Variants in PELO observed in about 807,000 individuals in gnomAD.
The protein encoded by PELO is protein pelota homolog.
PELO carries 19 observed loss-of-function variants against 25.9 expected under a neutral mutation model. That is an observed-to-expected ratio of 0.73 (90% CI 0.51 to 1.08). PELO has a LOEUF of 1.08. Among genes scored for constraint, PELO ranks in the 50% least tolerant of loss-of-function variants. The pLI is 0.00. For missense variants in PELO, 498 were observed against 491.4 expected (o/e 1.01, Z -0.13); for synonymous variants, 196 against 192.2 (o/e 1.02, Z -0.16).
chr5:52,789,736 G>A (rs559265097), intron 1 of PELO, among the ~76,000 whole-genome samples: 3 of 152,118 alleles, frequency 2.0e-5, no homozygotes, highest in Non-Finnish European at 4.4e-5. Context: ...TTTTTAGATT[G>A]TATTTTGTTG....
chr5:52,801,126 A>G lies in PELO; in HGVS notation c.726+6A>G. 1 of 1,590,276 alleles carries G rather than the reference A, an allele frequency of 6.3e-7. No individual in the cohort carries two copies. The highest frequency in any genetic ancestry group is 1.1e-5 in the South Asian group (1 of 86,974). On this transcript the variant is annotated splice_donor_region_variant and intron_variant, in intron 2 of 2. Transcript: ENST00000274311. ...ACCGGTCCAAATTTCTTCAGGTAAA[A>G]CAATCTTACCCAGGGATAATTAAGA... is the stretch of plus-strand genomic sequence containing the variant.
In PELO at chr5:52,800,652, C is replaced by G; in HGVS notation, c.258C>G (p.Thr86=). The G allele has an allele frequency of 6.2e-7, 1 of 1,614,094 alleles. No homozygotes were observed. Among genetic ancestry groups the G allele is most frequent in the African/African-American group, 1.3e-5 (1 of 75,010 alleles). The change falls in exon 2 of 3, where the codon ACC becomes ACG. Residue 86 remains threonine, a synonymous_variant. Coordinates refer to ENST00000274311, the MANE Select transcript of PELO (RefSeq NM_015946.5). ...SQACQLRVKG[T]NIQENEYVKM... is the part of the protein sequence containing the mutation. ...CCTGCCAGCTGCGGGTTAAGGGGAC[C>G]AACATCCAAGAGAATGAGTATGTCA... is the stretch of plus-strand genomic sequence containing the variant.
chr5:52,795,543 A>G (rs1283141366), intron 1 of PELO, among the ~76,000 whole-genome samples: 1 of 151,954 alleles, frequency 6.6e-6, no homozygotes, highest in Admixed American at 6.5e-5. Context: ...CAACTCACCA[A>G]TGAGGTCCAT....
In PELO at chr5:52,800,292, G is replaced by A. The variant is rs1748440185; in HGVS notation, c.-103G>A. On this transcript the variant is annotated 5_prime_UTR_variant, in exon 2 of 3. Coordinates refer to ENST00000274311, the MANE Select transcript of PELO (RefSeq NM_015946.5). ...GCCAGGCAAGTGCCCTTAGAAACCG[G>A]GCCCCGCCCCCTTCCTGGCCTGCAT... The A allele has an allele frequency of 6.8e-6, 9 of 1,322,542 alleles. 1 individual carries two copies. In the South Asian group the frequency reaches 9.2e-5, roughly 14 times the overall value. 81.9% of individuals were successfully genotyped at this position (1,322,542 alleles called of 1,614,324 possible).
Position 52,789,568 on chromosome 5 carries a change from CT to C in PELO, c.-511+1158del, listed in dbSNP as rs200630116. ...AAGAGAGTTAATAATTAGCTACTGGCTTTTCATCCAAACATTTCCCACTACT... is the reference window on the plus strand; with the variant it reads ...AAGAGAGTTAATAATTAGCTACTGGCTTTCATCCAAACATTTCCCACTACT... On this transcript the variant is annotated intron_variant, in intron 1 of 2. Coordinates refer to ENST00000274311, the MANE Select transcript of PELO (RefSeq NM_015946.5). 3.5e-3 allele frequency among the ~76,000 whole-genome samples: 538 copies of C among 152,240 alleles called. 20 individuals are homozygous for C. Among genetic ancestry groups the C allele is most frequent in the Admixed American group, 0.033 (510 of 15,298 alleles).
At position 52,800,046 on chromosome 5, in the gene PELO, GA is replaced by G; in HGVS notation, c.-348del. 1 of 312,800 alleles carries G rather than the reference GA, an allele frequency of 3.2e-6. No individual in the cohort carries two copies. The highest frequency in any genetic ancestry group is 3.4e-5 in the South Asian group (1 of 29,834). The allele number at this position is 312,800 out of a possible 1,614,324, so 19.4% of individuals were successfully genotyped here. Reference sequence around the variant, plus strand: ...ACTGCGGCCCCGCCTCTCCTTTGGGGACGGGAGACGTGCGTCGGGTCGCGGG... The same window carrying G: ...ACTGCGGCCCCGCCTCTCCTTTGGGGCGGGAGACGTGCGTCGGGTCGCGGG... On this transcript the variant is annotated 5_prime_UTR_variant, in exon 2 of 3. Coordinates refer to ENST00000274311, the MANE Select transcript of PELO (RefSeq NM_015946.5).
At chr5:52,791,946 G>GC (rs1748250656) in intron 1 of PELO, among the ~76,000 whole-genome samples, 1 of 151,976 alleles carries the variant, frequency 6.6e-6, no homozygotes, top group African/African-American at 2.4e-5. Flanking sequence ...TGCTATATTG[G>GC]CTGCCTAAAG....
In PELO at chr5:52,794,685, C is replaced by A. The variant is rs376323554; in HGVS notation, c.-510-5200C>A. On this transcript the variant is annotated intron_variant, in intron 1 of 2. Coordinates refer to ENST00000274311, the MANE Select transcript of PELO (RefSeq NM_015946.5). ...AAACAAATAAAACAAACAAAAAAAACCACTTTCCCTTTTACCCTTTTGTCT... is the reference window on the plus strand; with the variant it reads ...AAACAAATAAAACAAACAAAAAAAAACACTTTCCCTTTTACCCTTTTGTCT... Among the ~76,000 whole-genome samples the A allele has an allele frequency of 4.1e-4, 62 of 151,358 alleles. 1 individual carries two copies. The South Asian group carries it at 9.6e-3, about 23-fold the overall frequency.
At chr5:52,790,448 C>G (rs1350064182) in intron 1 of PELO, among the ~76,000 whole-genome samples, 1 of 152,192 alleles carries the variant, frequency 6.6e-6, no homozygotes, top group Non-Finnish European at 1.5e-5. Flanking sequence ...TCAGAAGTAT[C>G]ACTGGGCTAG....
At chr5:52,801,176 T>C in intron 2 of PELO, 56 bp downstream of exon 2, 2 of 1,486,526 alleles carry the variant, frequency 1.3e-6, no homozygotes, top group Non-Finnish European at 1.8e-6. Flanking sequence ...TGGTATAAAC[T>C]ACTCCTAAAG....
At position 52,803,497 on chromosome 5, in the gene PELO, T is replaced by C. The variant is rs1251621762; in HGVS notation, c.*1657T>C. On this transcript the variant is annotated 3_prime_UTR_variant, in exon 3 of 3. Coordinates refer to ENST00000274311, the MANE Select transcript of PELO (RefSeq NM_015946.5). ...TAATCTATGCAGTACTGAAATGAGG[T>C]CTAATAAATATAACCAATACATGTT... is the stretch of plus-strand genomic sequence containing the variant. The C allele has an allele frequency of 1.3e-5, 2 of 152,174 alleles. No individual in the cohort carries two copies. The highest frequency in any genetic ancestry group is 2.4e-5 in the African/African-American group (1 of 41,432). The allele number at this position is 152,174 out of a possible 1,614,324, so 9.4% of individuals were successfully genotyped here. A position where few individuals can be genotyped will look rare whatever the true frequency, so the allele number is the denominator to read the frequency against.
intron 1 of PELO, among the ~76,000 whole-genome samples, chr5:52,790,449 A>G (rs1166336724): frequency 6.6e-6 from 1 of 152,212 alleles, no homozygotes; most frequent in African/African-American, 2.4e-5. Flanking sequence ...CAGAAGTATC[A>G]CTGGGCTAGA....
At position 52,800,019 on chromosome 5, in the gene PELO, G is replaced by A. The variant is rs1047060910; in HGVS notation, c.-376G>A. On this transcript the variant is annotated 5_prime_UTR_variant, in exon 2 of 3. Transcript: ENST00000274311. ...CAGCTTAGTGCGCCTGCGCACGCGC[G>A]AACTGCGGCCCCGCCTCTCCTTTGG... is the stretch of plus-strand genomic sequence containing the variant. 5 of 278,842 alleles carry A rather than the reference G, an allele frequency of 1.8e-5. No individual in the cohort carries two copies. The highest frequency in any genetic ancestry group is 2.8e-5 in the Non-Finnish European group (4 of 144,098). 17.3% of individuals were successfully genotyped at this position (278,842 alleles called of 1,614,324 possible).
At chr5:52,795,913 C>T (rs934599516) in intron 1 of PELO, among the ~76,000 whole-genome samples, 3 of 151,904 alleles carry the variant, frequency 2.0e-5, no homozygotes, top group African/African-American at 7.2e-5. Context: ...CCAGGAAAGA[C>T]CATATTTGAG....
intron 1 of PELO, 74 bp downstream of exon 1, chr5:52,788,488 G>A (rs1748171820): frequency 8.0e-7 from 1 of 1,249,688 alleles, no homozygotes; most frequent in Non-Finnish European, 1.1e-6. Flanking sequence ...GAGGTCCTCA[G>A]AGCCATGGGC....
chr5:52,800,467 G>A lies in PELO; in HGVS notation c.73G>A (p.Asp25Asn). The change falls in exon 2 of 3, where the codon GAC (aspartate) becomes AAC (asparagine). Residue 25 changes from aspartate (D) to asparagine (N), a missense_variant. Transcript: ENST00000274311. The part of the protein sequence containing the change: ...QVTLVPEEPE[D>N]MWHTYNLVQV... Reference sequence around the variant, plus strand: ...GACCCTGGTCCCCGAGGAGCCTGAGGACATGTGGCACACTTACAACCTCGT... The same window carrying A: ...GACCCTGGTCCCCGAGGAGCCTGAGAACATGTGGCACACTTACAACCTCGT... The A allele has an allele frequency of 6.2e-7, 1 of 1,614,084 alleles. No homozygotes were observed. Among genetic ancestry groups the A allele is most frequent in the Non-Finnish European group, 8.5e-7 (1 of 1,180,028 alleles).
chr5:52,798,339 G>T (rs1205312859), intron 1 of PELO, among the ~76,000 whole-genome samples: 1 of 152,196 alleles, frequency 6.6e-6, no homozygotes, highest in Non-Finnish European at 1.5e-5. Flanking sequence ...ATATTAATAA[G>T]TAGTGGTTCT....
At position 52,788,877 on chromosome 5, in the gene PELO, C is replaced by CT. The variant is rs576011764; in HGVS notation, c.-511+469dup. Among the ~76,000 whole-genome samples the CT allele has an allele frequency of 3.2e-3, 485 of 152,044 alleles. 3 individuals are homozygous for CT. The highest frequency in any genetic ancestry group is 0.01 in the Middle Eastern group (3 of 294). On this transcript the variant is annotated intron_variant, in intron 1 of 2. Coordinates refer to ENST00000274311, the MANE Select transcript of PELO (RefSeq NM_015946.5). ...ATTTTCTTGCTGTCTACTATTTAGG[C>CT]TTTTTTCCCATGCAGAACAAGAAAA...
At chr5:52,789,629 G>T (rs941202002) in intron 1 of PELO, among the ~76,000 whole-genome samples, 3 of 152,184 alleles carry the variant, frequency 2.0e-5, no homozygotes, top group Non-Finnish European at 4.4e-5. Flanking sequence ...AGTGGTAACT[G>T]CTGAACAGCA....
Sources: allele counts gnomAD v4.1 joint callset (sites outside exome capture counted in the v4.1 genomes callset), GRCh38; gene constraint gnomAD v4.1.1; transcripts MANE v1.5; gene names NCBI Gene and HGNC (gene_info 2026-07-23, HGNC 2026-07-21).